Variants in DOCK3 observed in about 807,000 individuals in gnomAD.
DOCK3 encodes dedicator of cytokinesis protein 3.
DOCK3 carries 60 observed loss-of-function variants against 265.6 expected under a neutral mutation model. The observed-to-expected ratio is 0.23, with a 90% confidence interval of 0.18 to 0.28. DOCK3 has a LOEUF of 0.28. Among genes scored for constraint, DOCK3 ranks in the 10% least tolerant of loss-of-function variants. The pLI is 1.00. For missense variants in DOCK3, 1,981 were observed against 2,594.3 expected, an observed-to-expected ratio of 0.76 and a Z score of 5.14; for synonymous variants, 881 against 938.0, an observed-to-expected ratio of 0.94 and a Z score of 1.11.
intron 5 of DOCK3, among the ~76,000 whole-genome samples, chr3:51,053,098 T>TATATATATATATATAG (rs2081062155): frequency 1.1e-5 from 1 of 92,458 alleles, no homozygotes; most frequent in Non-Finnish European, 2.5e-5. Context: ...TATATATATA[T>TATATATATATATATAG]ATATATATAT....
At chr3:51,101,772 C>T (rs1421826097) in intron 9 of DOCK3, among the ~76,000 whole-genome samples, 3 of 152,098 alleles carry the variant, frequency 2.0e-5, no homozygotes, top group African/African-American at 7.2e-5. Context: ...TAGAATCCAG[C>T]TGAATTCAGA....
At chr3:50,695,707 C>T (rs1339089138) in intron 1 of DOCK3, among the ~76,000 whole-genome samples, 1 of 152,224 alleles carries the variant, frequency 6.6e-6, no homozygotes, top group Non-Finnish European at 1.5e-5. Context: ...GGAATGGACA[C>T]AATGGGCCTG....
chr3:50,856,591 C>T (rs2046611902), intron 3 of DOCK3, among the ~76,000 whole-genome samples: 1 of 151,996 alleles, frequency 6.6e-6, no homozygotes, highest in African/African-American at 2.4e-5. Context: ...GAATATTAGA[C>T]CTTTTGTCAG....
At chr3:50,996,419 G>A (rs1053659793) in intron 5 of DOCK3, among the ~76,000 whole-genome samples, 9 of 151,842 alleles carry the variant, frequency 5.9e-5, no homozygotes, top group Non-Finnish European at 1.3e-4. Context: ...GGGTTTCACC[G>A]TGTTAGCCAG....
chr3:51,008,238 G>A lies in DOCK3; in HGVS notation c.316-56210G>A, dbSNP rs1008386907. ...GCAGTATGGCCATTTTCACGATATG[G>A]ATTCTTCCTATCCATGAACATGGAA... is the stretch of plus-strand genomic sequence containing the variant. On this transcript the variant is annotated intron_variant, in intron 5 of 52. Coordinates refer to ENST00000266037, the MANE Select transcript of DOCK3 (RefSeq NM_004947.5). Among the ~76,000 whole-genome samples the A allele has an allele frequency of 2.6e-5, 4 of 152,164 alleles. No homozygotes were observed. In the East Asian group the frequency reaches 7.7e-4, roughly 29 times the overall value.
chr3:51,343,275 C>A lies in DOCK3; in HGVS notation c.3915+1890C>A, dbSNP rs561353621. Among the ~76,000 whole-genome samples the A allele has an allele frequency of 9.8e-5, 15 of 152,290 alleles. No individual in the cohort carries two copies. The South Asian group carries it at 2.5e-3, about 25-fold the overall frequency. On this transcript the variant is annotated intron_variant, in intron 38 of 52. Coordinates refer to ENST00000266037, the MANE Select transcript of DOCK3 (RefSeq NM_004947.5). The stretch of plus-strand genomic sequence containing the variant: ...AGCACACCCTGCCTCACAAGGCAAG[C>A]CCCTCCTGGCTTTTCTTCCAGACAC...
At chr3:51,291,123 C>T (rs2081742010) in intron 27 of DOCK3, among the ~76,000 whole-genome samples, 1 of 151,988 alleles carries the variant, frequency 6.6e-6, no homozygotes, top group African/African-American at 2.4e-5. Flanking sequence ...AAAATGGAAA[C>T]ATATCAAATC....
chr3:51,140,555 G>A (rs2085005848), intron 9 of DOCK3, among the ~76,000 whole-genome samples: 1 of 152,082 alleles, frequency 6.6e-6, no homozygotes, highest in African/African-American at 2.4e-5. Flanking sequence ...ATAATGCTAT[G>A]AACATTCATG....
At position 51,311,989 on chromosome 3, in the gene DOCK3, G is replaced by T; in HGVS notation, c.3018-15G>T. ...AGTCTTTTAATTCTGCCAATGCCTT[G>T]TTTCCTTACTGCAGTATTATAGTCA... On this transcript the variant is annotated splice_polypyrimidine_tract_variant and intron_variant, in intron 28 of 52. Transcript: ENST00000266037. The T allele has an allele frequency of 6.4e-7, 1 of 1,570,704 alleles. No individual in the cohort carries two copies. The highest frequency in any genetic ancestry group is 1.3e-5 in the African/African-American group (1 of 74,260).
intron 1 of DOCK3, among the ~76,000 whole-genome samples, chr3:50,681,658 C>A (rs2107669343): frequency 6.6e-6 from 1 of 152,214 alleles, no homozygotes; most frequent in African/African-American, 2.4e-5. Context: ...TATATCACAC[C>A]TTAGGGATAC....
intron 5 of DOCK3, among the ~76,000 whole-genome samples, chr3:50,978,509 T>G (rs1163134548): frequency 2.0e-5 from 3 of 152,198 alleles, no homozygotes; most frequent in Non-Finnish European, 4.4e-5. Context: ...CGTTCTCAGA[T>G]CTCCAGCTGC....
intron 9 of DOCK3, among the ~76,000 whole-genome samples, chr3:51,126,098 T>A: frequency 6.6e-6 from 1 of 152,224 alleles, no homozygotes. Context: ...CATATTTATC[T>A]AAGTACAGTC....
intron 14 of DOCK3, among the ~76,000 whole-genome samples, chr3:51,224,676 T>C (rs1375056277): frequency 6.6e-6 from 1 of 152,224 alleles, no homozygotes; most frequent in Non-Finnish European, 1.5e-5. Flanking sequence ...ACTTTGGTCT[T>C]ACCCATTTTC....
chr3:51,210,547 A>G (rs1371595360), intron 13 of DOCK3, among the ~76,000 whole-genome samples: 3 of 152,208 alleles, frequency 2.0e-5, no homozygotes, highest in Admixed American at 2.0e-4. Context: ...CTGAACAAGG[A>G]TAGAACCCAG....
intron 9 of DOCK3, among the ~76,000 whole-genome samples, chr3:51,109,003 C>A (rs1317532321): frequency 1.3e-5 from 2 of 152,014 alleles, no homozygotes; most frequent in Non-Finnish European, 2.9e-5. Context: ...ATATGCAGGA[C>A]CTGAACTCAA....
intron 12 of DOCK3, among the ~76,000 whole-genome samples, chr3:51,163,883 G>T (rs1206716969): frequency 1.3e-5 from 2 of 151,696 alleles, no homozygotes; most frequent in Non-Finnish European, 2.9e-5. Flanking sequence ...GCTCATTCTT[G>T]GCTCTCAAAT....
intron 20 of DOCK3, among the ~76,000 whole-genome samples, chr3:51,236,754 AT>A (rs34152380): frequency 6.6e-6 from 1 of 152,162 alleles, no homozygotes; most frequent in East Asian, 1.9e-4. Context: ...CAGATGGCTC[AT>A]TTTTTCACTT....
At chr3:50,934,412 A>C (rs185711134) in intron 5 of DOCK3, among the ~76,000 whole-genome samples, 4 of 152,306 alleles carry the variant, frequency 2.6e-5, no homozygotes, top group Admixed American at 2.0e-4. Context: ...ACTTATTTTT[A>C]TCTTTTGTGA....
At chr3:50,738,823 C>T (rs563243131) in intron 1 of DOCK3, among the ~76,000 whole-genome samples, 1 of 152,144 alleles carries the variant, frequency 6.6e-6, no homozygotes, top group Admixed American at 6.5e-5. Context: ...ACCTAATGAG[C>T]CCTGTTTGTG....
Sources: allele counts gnomAD v4.1 joint callset (sites outside exome capture counted in the v4.1 genomes callset), GRCh38; gene constraint gnomAD v4.1.1; transcripts MANE v1.5; gene names NCBI Gene and HGNC (gene_info 2026-07-23, HGNC 2026-07-21).